CNTNAP5: variants seen among roughly 807,000 people sequenced by gnomAD.
The protein encoded by CNTNAP5 is contactin-associated protein-like 5.
In CNTNAP5, 72 loss-of-function variants were observed where a neutral mutation model predicts 150.2. The observed-to-expected ratio is 0.48, with a 90% CI of 0.40 to 0.58. The LOEUF is 0.58. CNTNAP5 is among the 20% of genes least tolerant of loss of function. The probability of loss-of-function intolerance (pLI) is 0.00; values close to 1 mark genes in which losing one functional copy is unlikely to be tolerated. For synonymous variants in CNTNAP5, 672 were observed against 619.8 expected, an observed-to-expected ratio of 1.08 and a Z score of -1.25; for missense variants, 1,636 against 1,626.2, an observed-to-expected ratio of 1.01 and a Z score of -0.10.
At chr2:124,289,774 A>G (rs930556554) in intron 3 of CNTNAP5, among the ~76,000 whole-genome samples, 1 of 152,188 alleles carries the variant, frequency 6.6e-6, no homozygotes, top group Non-Finnish European at 1.5e-5. Flanking sequence ...TGAACCAGGT[A>G]TCCTTCCTGT....
chr2:124,530,490 T>C (rs1695080080), intron 10 of CNTNAP5, among the ~76,000 whole-genome samples: 1 of 152,134 alleles, frequency 6.6e-6, no homozygotes, highest in South Asian at 2.1e-4. Flanking sequence ...AAACCACCTT[T>C]GATACTTCAT....
chr2:124,587,266 A>G (rs905849272), intron 11 of CNTNAP5, among the ~76,000 whole-genome samples: 3 of 152,140 alleles, frequency 2.0e-5, no homozygotes, highest in African/African-American at 7.2e-5. Context: ...CTCATTATAT[A>G]CTGTATTGTG....
At chr2:124,618,854 A>G (rs936472557) in intron 12 of CNTNAP5, among the ~76,000 whole-genome samples, 3 of 152,162 alleles carry the variant, frequency 2.0e-5, no homozygotes, top group Admixed American at 2.0e-4. Flanking sequence ...ATCCAAATAA[A>G]TGAAGCGTAG....
chr2:124,912,262 G>A (rs1174964498), intron 23 of CNTNAP5, among the ~76,000 whole-genome samples: 2 of 152,060 alleles, frequency 1.3e-5, no homozygotes, highest in Non-Finnish European at 2.9e-5. Context: ...ACCTTAGCAG[G>A]TGCCGCCATC....
intron 7 of CNTNAP5, among the ~76,000 whole-genome samples, chr2:124,479,206 T>C (rs1693710858): frequency 6.6e-6 from 1 of 152,204 alleles, no homozygotes; most frequent in Non-Finnish European, 1.5e-5. Flanking sequence ...CATTGAAGTG[T>C]GTGTACAGTA....
chr2:124,145,806 A>C (rs1264657960), intron 1 of CNTNAP5, among the ~76,000 whole-genome samples: 4 of 47,720 alleles, frequency 8.4e-5, no homozygotes, highest in South Asian at 1.0e-3. Flanking sequence ...AAAAAAAAAA[A>C]AACATTAAAA....
At chr2:124,047,573 A>T (rs923089969) in intron 1 of CNTNAP5, among the ~76,000 whole-genome samples, 3 of 152,226 alleles carry the variant, frequency 2.0e-5, no homozygotes, top group Non-Finnish European at 4.4e-5. Context: ...AACCCAATCA[A>T]GTAGTAAGGC....
intron 7 of CNTNAP5, among the ~76,000 whole-genome samples, chr2:124,477,764 T>G (rs1693676023): frequency 6.6e-6 from 1 of 151,690 alleles, no homozygotes; most frequent in African/African-American, 2.4e-5. Flanking sequence ...TCATAATATA[T>G]CAGTTTCCTT....
intron 1 of CNTNAP5, among the ~76,000 whole-genome samples, chr2:124,217,808 G>T (rs2104735065): frequency 6.6e-6 from 1 of 152,198 alleles, no homozygotes; most frequent in African/African-American, 2.4e-5. Flanking sequence ...ATACTTAAAA[G>T]GGGACATTTT....
intron 1 of CNTNAP5, among the ~76,000 whole-genome samples, chr2:124,105,051 A>C (rs1457954906): frequency 5.9e-5 from 9 of 151,872 alleles, no homozygotes; most frequent in Non-Finnish European, 8.8e-5. Context: ...ATATATAAGC[A>C]TATAAAGACC....
chr2:124,316,744 G>A (rs1200180008), intron 3 of CNTNAP5, among the ~76,000 whole-genome samples: 1 of 138,704 alleles, frequency 7.2e-6, no homozygotes, highest in African/African-American at 2.8e-5. Flanking sequence ...GGCAGAGCTT[G>A]CAGTGAGCCC....
intron 10 of CNTNAP5, among the ~76,000 whole-genome samples, chr2:124,545,122 T>C (rs1345788182): frequency 5.9e-5 from 9 of 152,216 alleles, no homozygotes. Flanking sequence ...AGAATTCATG[T>C]TAAAAAAACA....
At chr2:124,409,436 A>G (rs2104767543) in intron 3 of CNTNAP5, among the ~76,000 whole-genome samples, 1 of 18,132 alleles carries the variant, frequency 5.5e-5, no homozygotes, top group South Asian at 1.7e-3. Context: ...CAGATTCACC[A>G]AAGTTGAAAT....
chr2:124,919,802 A>G lies in CNTNAP5; in HGVS notation c.*5514A>G, dbSNP rs180847600. On this transcript the variant is annotated 3_prime_UTR_variant, in exon 24 of 24. Coordinates refer to ENST00000682447, the MANE Select transcript of CNTNAP5 (RefSeq NM_001367498.1). ...CAGGATTTTCTCAGAGTGCTTTAGA[A>G]CTATTATTATAATTATCTAACCTGC... Among the ~76,000 whole-genome samples, 56 of 152,038 alleles carry G rather than the reference A, an allele frequency of 3.7e-4. No homozygotes were observed. The East Asian group carries it at 0.011, about 29-fold the overall frequency.
intron 7 of CNTNAP5, among the ~76,000 whole-genome samples, chr2:124,488,890 G>A (rs1204648813): frequency 6.6e-6 from 1 of 152,142 alleles, no homozygotes; most frequent in Admixed American, 6.5e-5. Context: ...GCTGCCTGGA[G>A]ATAGAGTGTT....
chr2:124,600,556 T>G (rs1696962066), intron 11 of CNTNAP5, among the ~76,000 whole-genome samples: 1 of 152,120 alleles, frequency 6.6e-6, no homozygotes, highest in African/African-American at 2.4e-5. Context: ...GCATCTCATG[T>G]AAAATGTCTG....
chr2:124,747,643 C>G (rs1680636347), intron 14 of CNTNAP5, among the ~76,000 whole-genome samples: 1 of 101,358 alleles, frequency 9.9e-6, no homozygotes, highest in African/African-American at 3.9e-5. Flanking sequence ...TTTTTTGAGA[C>G]AGAGTCTCAC....
chr2:124,315,682 G>C (rs1478622021), intron 3 of CNTNAP5, among the ~76,000 whole-genome samples: 1 of 152,058 alleles, frequency 6.6e-6, no homozygotes, highest in African/African-American at 2.4e-5. Context: ...AAGCCTGACA[G>C]GTGGCTCTGA....
chr2:124,277,224 T>G (rs1325116238), intron 3 of CNTNAP5, among the ~76,000 whole-genome samples: 1 of 152,156 alleles, frequency 6.6e-6, no homozygotes, highest in African/African-American at 2.4e-5. Context: ...TAACCAGCAA[T>G]GCACATCGCC....
Sources: allele counts gnomAD v4.1 joint callset (sites outside exome capture counted in the v4.1 genomes callset), GRCh38; gene constraint gnomAD v4.1.1; transcripts MANE v1.5; gene names NCBI Gene and HGNC (gene_info 2026-07-23, HGNC 2026-07-21).